The following RIPK4 variants were observed in gnomAD, a reference collection of about 807,000 sequenced individuals.
RIPK4 encodes receptor interacting serine/threonine kinase 4, also known as receptor-interacting serine/threonine-protein kinase 4.
RIPK4 carries 17 observed loss-of-function variants against 42.9 expected under a neutral mutation model. The observed-to-expected ratio is 0.40, with a 90% CI of 0.27 to 0.59. The LOEUF is 0.59. RIPK4 is among the 20% of genes least tolerant of loss of function. The pLI is 0.47. For missense variants in RIPK4, 897 were observed against 1,104.4 expected (o/e 0.81, Z 2.66); for synonymous variants, 498 against 499.1 (o/e 1.00, Z 0.03).
intron 1 of RIPK4, among the ~76,000 whole-genome samples, chr21:41,766,656 G>C (rs997681722): frequency 2.0e-5 from 3 of 152,022 alleles, no homozygotes; most frequent in Non-Finnish European, 2.9e-5. Context: ...GCCCGGGCTC[G>C]CCAAAGCCCC....
intron 1 of RIPK4, among the ~76,000 whole-genome samples, chr21:41,761,689 T>C (rs995397560): frequency 6.6e-6 from 1 of 152,248 alleles, no homozygotes; most frequent in Admixed American, 6.5e-5. Flanking sequence ...GAGTGAACTC[T>C]CTAAGCCAAA....
At chr21:41,762,910 G>A (rs2309106) in intron 1 of RIPK4, among the ~76,000 whole-genome samples, 2,325 of 152,278 alleles carry the variant, frequency 0.015, 60 homozygotes, top group African/African-American at 0.053. Flanking sequence ...ACTGTTGACA[G>A]TGAAGTCAAC....
At chr21:41,762,434 C>T (rs939870862) in intron 1 of RIPK4, among the ~76,000 whole-genome samples, 3 of 152,216 alleles carry the variant, frequency 2.0e-5, no homozygotes, top group South Asian at 2.1e-4. Flanking sequence ...AAAACCCACA[C>T]GACCCCGCCT....
chr21:41,763,030 G>A (rs1437689770), intron 1 of RIPK4, among the ~76,000 whole-genome samples: 2 of 152,268 alleles, frequency 1.3e-5, no homozygotes, highest in African/African-American at 2.4e-5. Flanking sequence ...AGAGGGGGTG[G>A]CATCCTATTC....
At position 41,746,737 on chromosome 21, in the gene RIPK4, C is replaced by A; in HGVS notation, c.708G>T (p.Val236=). The part of the protein sequence containing the change: ...EKNILHIMVK[V]VKGHRPELPP... ...GCAGCTCGGGGCGGTGGCCCTTCAC[C>A]ACCTTCACCATGATGTGCAGGATGT... The change falls in exon 5 of 8, where the codon GTG becomes GTT. Residue 236 remains valine, a synonymous_variant. Transcript: ENST00000332512. 1 of 1,606,760 alleles carries A rather than the reference C, an allele frequency of 6.2e-7. No homozygotes were observed.
At position 41,746,693 on chromosome 21, in the gene RIPK4, C is replaced by T. The variant is rs926108742; in HGVS notation, c.752G>A (p.Arg251Gln). 12 of 1,610,840 alleles carry T rather than the reference C, an allele frequency of 7.4e-6. No homozygotes were observed. Among genetic ancestry groups the T allele is most frequent in the Admixed American group, 1.7e-5 (1 of 59,950 alleles). The change falls in exon 5 of 8, where the codon CGG (arginine) becomes CAG (glutamine). Residue 251 changes from arginine (R) to glutamine (Q), a missense_variant. Physicochemically the swap from Arg to Gln is conservative, Grantham distance 43. Coordinates refer to ENST00000332512, the MANE Select transcript of RIPK4 (RefSeq NM_020639.3). Reference sequence around the variant, plus strand: ...TATCAGGTGGCTGCAGGCGCGCGGCCGGGCTCTGCACACGGGCGGCAGCTC... The same window carrying T: ...TATCAGGTGGCTGCAGGCGCGCGGCTGGGCTCTGCACACGGGCGGCAGCTC... ...RPELPPVCRA[R>Q]PRACSHLIRL...
rs767612690 is a variant in RIPK4 at position 41,756,515 on chromosome 21, G to A, written c.474+10C>T. The A allele has an allele frequency of 4.7e-5, 75 of 1,609,236 alleles. No individual in the cohort carries two copies. The highest frequency in any genetic ancestry group is 2.2e-4 in the Admixed American group (13 of 59,984). ...TGCCCAGCTCTCTCGGGCACCGTGC[G>A]GCCCCCCACCTTGACGTGGTAGTGG... On this transcript the variant is annotated intron_variant, in intron 2 of 7. Coordinates refer to ENST00000332512, the MANE Select transcript of RIPK4 (RefSeq NM_020639.3).
chr21:41,759,225 G>C (rs2061213724), intron 1 of RIPK4, among the ~76,000 whole-genome samples: 1 of 151,892 alleles, frequency 6.6e-6, no homozygotes, highest in Non-Finnish European at 1.5e-5. Flanking sequence ...CAGCCTCCAG[G>C]GTAGCTGGGA....
intron 7 of RIPK4, 92 bp downstream of exon 7, chr21:41,743,790 G>T: frequency 7.0e-7 from 1 of 1,435,016 alleles, no homozygotes; most frequent in Non-Finnish European, 9.4e-7. Context: ...TCAAGAAACT[G>T]TCCCCTTGAT....
chr21:41,746,375 G>A (rs1050491626), intron 5 of RIPK4, among the ~76,000 whole-genome samples: 3 of 152,252 alleles, frequency 2.0e-5, no homozygotes, highest in African/African-American at 7.2e-5. Flanking sequence ...CCCAACCCTG[G>A]TGGGGAGCAG....
At position 41,754,981 on chromosome 21, in the gene RIPK4, G is replaced by A. The variant is rs114844060; in HGVS notation, c.474+1544C>T. Reference sequence around the variant, plus strand: ...CTGCACCTCTGCTCTGAGGATGAGGGCAGCTCCCGCAGGTGAAGCCTCTAG... The same window carrying A: ...CTGCACCTCTGCTCTGAGGATGAGGACAGCTCCCGCAGGTGAAGCCTCTAG... On this transcript the variant is annotated intron_variant, in intron 2 of 7. Coordinates refer to ENST00000332512, the MANE Select transcript of RIPK4 (RefSeq NM_020639.3). Among the ~76,000 whole-genome samples, 1,320 of 152,358 alleles carry A rather than the reference G, an allele frequency of 8.7e-3. 13 individuals are homozygous for A. The highest frequency in any genetic ancestry group is 0.029 in the African/African-American group (1,220 of 41,576).
chr21:41,753,596 G>A (rs138232633), intron 2 of RIPK4, among the ~76,000 whole-genome samples: 11 of 152,178 alleles, frequency 7.2e-5, no homozygotes, highest in African/African-American at 1.7e-4. Flanking sequence ...CCTCAACAGC[G>A]AGCTACTGTG....
rs554107893 is a variant in RIPK4 at position 41,740,987 on chromosome 21, G to A, written c.2206C>T (p.Leu736Phe). ...TGGGCGGCCAGGTGCAGCGCGCTGA[G>A]CCCCTGCTCGTCGAACAGGTCAATG... ...DVIDLFDEQG[L>F]SALHLAAQGR... is the part of the protein sequence containing the mutation. Residue 736 changes from leucine to phenylalanine, a missense_variant, in exon 8 of 8, where the codon CTC (leucine) becomes TTC (phenylalanine). By Grantham distance (22) the Leu-to-Phe change is conservative. Transcript: ENST00000332512. 5.9e-5 allele frequency: 95 copies of A among 1,610,084 alleles called. No individual in the cohort carries two copies. The South Asian group carries it at 9.4e-4, about 16-fold the overall frequency.
intron 1 of RIPK4, among the ~76,000 whole-genome samples, chr21:41,760,787 G>A: frequency 6.6e-6 from 1 of 152,170 alleles, no homozygotes; most frequent in East Asian, 1.9e-4. Context: ...GGTCGAGTGT[G>A]TCTGAATACA....
At chr21:41,744,556 C>G (rs560299402) in intron 6 of RIPK4, among the ~76,000 whole-genome samples, 94 of 152,366 alleles carry the variant, frequency 6.2e-4, no homozygotes, top group African/African-American at 2.2e-3. Flanking sequence ...AAAATCCAGC[C>G]TCATGCAGCT....
At chr21:41,749,895 A>G (rs1277178393) in intron 3 of RIPK4, among the ~76,000 whole-genome samples, 1 of 151,468 alleles carries the variant, frequency 6.6e-6, no homozygotes, top group Non-Finnish European at 1.5e-5. Context: ...TGATTAAAAA[A>G]AAAAAAAAAA....
At chr21:41,758,475 C>T (rs2061211703) in intron 1 of RIPK4, among the ~76,000 whole-genome samples, 1 of 152,196 alleles carries the variant, frequency 6.6e-6, no homozygotes, top group Non-Finnish European at 1.5e-5. Context: ...CAGGCCATTT[C>T]CACCTTTTGG....
intron 5 of RIPK4, chr21:41,746,201 C>T (rs1224732353): frequency 3.2e-6 from 2 of 619,012 alleles, no homozygotes; most frequent in South Asian, 1.5e-5. Context: ...CAGCAGTTTC[C>T]ATCTCATCAG....
rs1347063857 is a variant in RIPK4, at chr21:41,756,811, C to T, written c.188G>A (p.Arg63His). 8.7e-6 allele frequency: 14 copies of T among 1,611,230 alleles called. No homozygotes were observed. The highest frequency in any genetic ancestry group is 1.2e-5 in the Non-Finnish European group (14 of 1,177,904). The change falls in exon 2 of 8, where the codon CGC (arginine) becomes CAC (histidine). Residue 63 changes from arginine (R) to histidine (H), a missense_variant. Coordinates refer to ENST00000332512, the MANE Select transcript of RIPK4 (RefSeq NM_020639.3). ...CTTGGCTTCTTCCAAAAGCTCCATG[C>T]GCTCCCTGAAAAAGTTCAAAGGCAT... ...SPSLHVDDRE[R>H]MELLEEAKKM...
Sources: allele counts gnomAD v4.1 joint callset (sites outside exome capture counted in the v4.1 genomes callset), GRCh38; gene constraint gnomAD v4.1.1; transcripts MANE v1.5; gene names NCBI Gene and HGNC (gene_info 2026-07-23, HGNC 2026-07-21).